Variants in GABRB3 observed in about 807,000 individuals in gnomAD.
GABRB3 encodes gamma-aminobutyric acid receptor subunit beta-3.
GABRB3 carries 14 observed loss-of-function variants against 52.1 expected under a neutral mutation model. That is an observed-to-expected ratio of 0.27 (90% CI 0.18 to 0.42). The LOEUF (loss-of-function observed/expected upper bound fraction) is 0.42, where lower values mean the gene tolerates loss of function less well. Among genes scored for constraint, GABRB3 ranks in the 10% least tolerant of loss-of-function variants. The pLI is 1.00. For missense variants in GABRB3, 307 were observed against 609.1 expected, an observed-to-expected ratio of 0.50 and a Z score of 5.22; for synonymous variants, 260 against 232.3, an observed-to-expected ratio of 1.12 and a Z score of -1.08.
chr15:26,580,794 T>C (rs1274620558), intron 5 of GABRB3: 1 of 386,960 alleles, frequency 2.6e-6, no homozygotes, highest in Non-Finnish European at 4.9e-6. Flanking sequence ...ATGAATAAGA[T>C]AGTTTTAAGA....
chr15:26,703,065 TC>T (rs1888987283), intron 3 of GABRB3, among the ~76,000 whole-genome samples: 1 of 152,284 alleles, frequency 6.6e-6, no homozygotes, highest in Non-Finnish European at 1.5e-5. Flanking sequence ...AGGACATTGA[TC>T]CCATTCAGGA....
chr15:26,640,765 C>T (rs899939779), intron 3 of GABRB3, among the ~76,000 whole-genome samples: 10 of 152,160 alleles, frequency 6.6e-5, no homozygotes, highest in Non-Finnish European at 1.0e-4. Context: ...TCAGCCACCG[C>T]GGAGATGATT....
At chr15:26,660,327 T>G (rs184578024) in intron 3 of GABRB3, among the ~76,000 whole-genome samples, 1 of 152,156 alleles carries the variant, frequency 6.6e-6, no homozygotes, top group Non-Finnish European at 1.5e-5. Context: ...GCTATTTCCA[T>G]AGCAACCGAA....
chr15:26,670,110 C>T (rs1442190133), intron 3 of GABRB3, among the ~76,000 whole-genome samples: 2 of 152,200 alleles, frequency 1.3e-5, no homozygotes, highest in East Asian at 3.9e-4. Context: ...TGGGAGGAGA[C>T]GCAAGAAGTC....
At position 26,554,055 on chromosome 15, in the gene GABRB3, TTATA is replaced by T. The variant is rs1299659054; in HGVS notation, c.1081-5925_1081-5922del. Among the ~76,000 whole-genome samples, 2 of 48,338 alleles carry T rather than the reference TTATA, an allele frequency of 4.1e-5. 1 individual carries two copies. The highest frequency in any genetic ancestry group is 9.3e-5 in the Non-Finnish European group (2 of 21,502). The allele number at this position is 48,338 out of a possible 152,430, so 31.7% of individuals were successfully genotyped here. A position where few individuals can be genotyped will look rare whatever the true frequency, so the allele number is the denominator to read the frequency against. On this transcript the variant is annotated intron_variant, in intron 8 of 8. Transcript: ENST00000311550. ...TATATATTTATTTATTTATATTTATTTATATATAAAGTGTGTATATATATAAAGT... is the reference window on the plus strand; with the variant it reads ...TATATATTTATTTATTTATATTTATTTATAAAGTGTGTATATATATAAAGT...
intron 3 of GABRB3, among the ~76,000 whole-genome samples, chr15:26,655,944 T>G (rs368873324): frequency 2.6e-5 from 4 of 152,118 alleles, no homozygotes; most frequent in African/African-American, 7.2e-5. Flanking sequence ...GAGGGTTGGA[T>G]TTATTCTTAT....
intron 3 of GABRB3, among the ~76,000 whole-genome samples, chr15:26,634,077 T>C (rs768090730): frequency 1.3e-5 from 2 of 152,314 alleles, no homozygotes; most frequent in African/African-American, 2.4e-5. Flanking sequence ...TGTAGCCTTT[T>C]TTTGGAGAGG....
chr15:26,560,455 G>A (rs1889936735), intron 8 of GABRB3, among the ~76,000 whole-genome samples: 2 of 152,060 alleles, frequency 1.3e-5, no homozygotes, highest in South Asian at 4.2e-4. Context: ...ATTCAAGAAT[G>A]CACTCCACTT....
chr15:26,570,879 T>TC (rs144200949), intron 6 of GABRB3, among the ~76,000 whole-genome samples: 1 of 152,086 alleles, frequency 6.6e-6, no homozygotes, highest in East Asian at 1.9e-4. Context: ...AGCTGTACAG[T>TC]CCCCAGGGCA....
chr15:26,669,656 A>G (rs1438530317), intron 3 of GABRB3, among the ~76,000 whole-genome samples: 1 of 150,782 alleles, frequency 6.6e-6, no homozygotes, highest in Non-Finnish European at 1.5e-5. Flanking sequence ...GCACTCCCTC[A>G]GTAGTCCTCC....
chr15:26,716,488 G>T, intron 3 of GABRB3: 1 of 607,418 alleles, frequency 1.6e-6, no homozygotes, highest in Non-Finnish European at 2.1e-6. Flanking sequence ...CAATTGCCAT[G>T]AAGAAACGAT....
chr15:26,623,274 T>C (rs1892557501), intron 3 of GABRB3, among the ~76,000 whole-genome samples: 1 of 152,172 alleles, frequency 6.6e-6, no homozygotes, highest in Non-Finnish European at 1.5e-5. Context: ...CCCAGGGCAG[T>C]GACCACAAGG....
chr15:26,684,274 A>T (rs1282932152), intron 3 of GABRB3, among the ~76,000 whole-genome samples: 2 of 151,998 alleles, frequency 1.3e-5, no homozygotes, highest in African/African-American at 2.4e-5. Context: ...CAATAGGTAC[A>T]CCCCCACATT....
chr15:26,714,944 G>A (rs947628205), intron 3 of GABRB3, among the ~76,000 whole-genome samples: 19 of 152,102 alleles, frequency 1.2e-4, no homozygotes, highest in African/African-American at 3.4e-4. Flanking sequence ...ACAACCATCC[G>A]CTGCCTCAAG....
At chr15:26,711,652 G>A (rs573143246) in intron 3 of GABRB3, among the ~76,000 whole-genome samples, 20 of 152,138 alleles carry the variant, frequency 1.3e-4, no homozygotes, top group Non-Finnish European at 2.6e-4. Flanking sequence ...GGACACGTCA[G>A]AGTAAGCCCG....
chr15:26,609,083 TACACACACACACACACACATAC>T (rs1314202879), intron 4 of GABRB3, among the ~76,000 whole-genome samples: 57 of 143,630 alleles, frequency 4.0e-4, no homozygotes, highest in African/African-American at 1.4e-3. Context: ...TTTTTAATGA[TACACACACACACACACACATAC>T]ACACACACAC....
intron 8 of GABRB3, among the ~76,000 whole-genome samples, chr15:26,554,144 GTA>G (rs547570760): frequency 0.015 from 477 of 32,226 alleles, 19 homozygotes; most frequent in Middle Eastern, 0.029. Context: ...TATATATAAA[GTA>G]TATATATATA....
In GABRB3 at chr15:26,546,373, C is replaced by T. The variant is rs1355219885; in HGVS notation, c.*1420G>A. On this transcript the variant is annotated 3_prime_UTR_variant, in exon 9 of 9. Transcript: ENST00000311550. ...AGGTTGCGTCTATGAAACCGGTGCACCTTGTCTTGTTTCTACGAGCTTTAA... is the reference window on the plus strand; with the variant it reads ...AGGTTGCGTCTATGAAACCGGTGCATCTTGTCTTGTTTCTACGAGCTTTAA... The T allele has an allele frequency of 1.3e-5, 2 of 152,294 alleles. No homozygotes were observed. The highest frequency in any genetic ancestry group is 2.9e-5 in the Non-Finnish European group (2 of 68,002). The allele number at this position is 152,294 out of a possible 1,614,324, so 9.4% of individuals were successfully genotyped here. A position where few individuals can be genotyped will look rare whatever the true frequency, so the allele number is the denominator to read the frequency against.
chr15:26,645,930 A>T (rs1595506164), intron 3 of GABRB3, among the ~76,000 whole-genome samples: 1 of 152,098 alleles, frequency 6.6e-6, no homozygotes, highest in African/African-American at 2.4e-5. Context: ...GCACAAGAAG[A>T]TTAAAACAAT....
Sources: gnomAD v4.1 joint callset for allele counts (sites outside exome capture counted in the v4.1 genomes callset) on GRCh38, gnomAD v4.1.1 for gene constraint, MANE v1.5 for transcripts, NCBI Gene and HGNC (gene_info 2026-07-23, HGNC 2026-07-21) for gene names.